Variants in KDM4C observed in about 807,000 individuals in gnomAD.
KDM4C encodes the protein lysine demethylase 4C.
KDM4C carries 81 observed loss-of-function variants against 129.3 expected under a neutral mutation model. That is an observed-to-expected ratio of 0.63 (90% CI 0.52 to 0.75). KDM4C has a LOEUF of 0.75. Ranked by LOEUF, KDM4C falls within the 30% of genes least tolerant of loss-of-function variation. KDM4C has a pLI of 0.00. For missense variants in KDM4C, 1,457 were observed against 1,304.0 expected, an observed-to-expected ratio of 1.12 and a Z score of -1.81; for synonymous variants, 573 against 456.1, an observed-to-expected ratio of 1.26 and a Z score of -3.26.
At chr9:6,922,996 A>G (rs992216137) in intron 8 of KDM4C, among the ~76,000 whole-genome samples, 2 of 152,210 alleles carry the variant, frequency 1.3e-5, no homozygotes, top group Non-Finnish European at 2.9e-5. Context: ...TGATGTCTCA[A>G]TAAATCCTCT....
chr9:7,025,525 T>G (rs1232725771), intron 15 of KDM4C, among the ~76,000 whole-genome samples: 1 of 152,246 alleles, frequency 6.6e-6, no homozygotes, highest in Non-Finnish European at 1.5e-5. Context: ...ATATGTTATA[T>G]GGTTTTTGAT....
At chr9:6,879,364 T>C (rs1041694118) in intron 5 of KDM4C, among the ~76,000 whole-genome samples, 6 of 152,214 alleles carry the variant, frequency 3.9e-5, no homozygotes, top group Non-Finnish European at 5.9e-5. Context: ...TGAGTATTTC[T>C]GTTCTTTAAG....
Position 7,150,926 on chromosome 9 carries a change from A to G in KDM4C, c.2782-14312A>G, listed in dbSNP as rs950620194. ...GCTTAATGCTATAATAACTTCCAGA[A>G]TAATAAAACAACCTCCGTCTCTGGG... On this transcript the variant is annotated intron_variant, in intron 19 of 21. Coordinates refer to ENST00000381309, the MANE Select transcript of KDM4C (RefSeq NM_015061.6). 1.3e-5 allele frequency among the ~76,000 whole-genome samples: 2 copies of G among 152,214 alleles called. 1 individual carries two copies. The highest frequency in any genetic ancestry group is 4.1e-4 in the South Asian group (2 of 4,828).
intron 4 of KDM4C, among the ~76,000 whole-genome samples, chr9:6,826,096 G>GC (rs754756914): frequency 3.9e-5 from 6 of 152,016 alleles, no homozygotes; most frequent in Non-Finnish European, 8.8e-5. Flanking sequence ...ACTGGCATGA[G>GC]CTACTGTGCC....
At chr9:6,902,437 C>G (rs1817569710) in intron 8 of KDM4C, among the ~76,000 whole-genome samples, 1 of 152,102 alleles carries the variant, frequency 6.6e-6, no homozygotes, top group South Asian at 2.1e-4. Flanking sequence ...ACATAATCAC[C>G]TGGGACTGTG....
chr9:7,174,979 A>C lies in KDM4C; in HGVS notation c.*250A>C. On this transcript the variant is annotated 3_prime_UTR_variant, in exon 22 of 22. Coordinates refer to ENST00000381309, the MANE Select transcript of KDM4C (RefSeq NM_015061.6). ...GCAGTTGTCTTCTATGATCCCAAAG[A>C]AGTTTTCTAAGTGAAAGGAAATACT... 2.8e-6 allele frequency: 1 copy of C among 356,202 alleles called. No individual in the cohort carries two copies. The highest frequency in any genetic ancestry group is 5.2e-6 in the Non-Finnish European group (1 of 192,510). 22.1% of individuals were successfully genotyped at this position (356,202 alleles called of 1,614,324 possible).
rs552283834 is a variant in KDM4C, at chr9:6,893,287, A to C, written c.921+55A>C. On this transcript the variant is annotated intron_variant, in intron 8 of 21. Coordinates refer to ENST00000381309, the MANE Select transcript of KDM4C (RefSeq NM_015061.6). ...ATTAAATGTGTATTCTGGTTATTTT[A>C]GTAGGAACCCTACGATCCTGTGCAG... 4 of 1,450,170 alleles carry C rather than the reference A, an allele frequency of 2.8e-6. No individual in the cohort carries two copies. The African/African-American group carries it at 5.7e-5, about 21-fold the overall frequency. The allele number at this position is 1,450,170 out of a possible 1,614,324, so 89.8% of individuals were successfully genotyped here.
chr9:6,774,757 A>T (rs966119077), intron 1 of KDM4C, among the ~76,000 whole-genome samples: 3 of 152,174 alleles, frequency 2.0e-5, no homozygotes, highest in Non-Finnish European at 4.4e-5. Context: ...GTTTTATATG[A>T]TACTTGGGGC....
At chr9:7,147,430 ATGTATTTT>A (rs997010553) in intron 19 of KDM4C, among the ~76,000 whole-genome samples, 21 of 152,148 alleles carry the variant, frequency 1.4e-4, no homozygotes, top group African/African-American at 5.1e-4. Context: ...TGGAACTGAC[ATGTATTTT>A]TAGAAACCAC....
intron 1 of KDM4C, among the ~76,000 whole-genome samples, chr9:6,746,031 C>G (rs1042295088): frequency 6.6e-6 from 1 of 152,018 alleles, no homozygotes; most frequent in African/African-American, 2.4e-5. Context: ...GTCTTGAACC[C>G]CCAACCTCAG....
At chr9:6,936,788 A>G (rs894336141) in intron 8 of KDM4C, among the ~76,000 whole-genome samples, 3 of 152,190 alleles carry the variant, frequency 2.0e-5, no homozygotes, top group Non-Finnish European at 4.4e-5. Flanking sequence ...GCTTCCTAAT[A>G]ACTATGTGCC....
rs10975981 is a variant in KDM4C, at chr9:7,021,111, C to A, written c.2259+5182C>A. Among the ~76,000 whole-genome samples the A allele has an allele frequency of 2.7e-3, 371 of 138,812 alleles. 8 individuals carry two copies. The East Asian group carries it at 0.032, about 12-fold the overall frequency. The allele number at this position is 138,812 out of a possible 152,430, so 91.1% of individuals were successfully genotyped here. Reference sequence around the variant, plus strand: ...TACACCTGTTTGTCATTTGTACATACATATATATATGTGTGTGTGTGTGTG... The same window carrying A: ...TACACCTGTTTGTCATTTGTACATAAATATATATATGTGTGTGTGTGTGTG... On this transcript the variant is annotated intron_variant, in intron 15 of 21. Transcript: ENST00000381309.
At chr9:6,870,884 G>A (rs1309247982) in intron 5 of KDM4C, among the ~76,000 whole-genome samples, 3 of 152,108 alleles carry the variant, frequency 2.0e-5, no homozygotes, top group Admixed American at 1.3e-4. Flanking sequence ...TGAGCATGAC[G>A]TGGGCCTGGA....
chr9:7,172,503 G>C (rs1388099783), intron 21 of KDM4C, among the ~76,000 whole-genome samples: 1 of 152,192 alleles, frequency 6.6e-6, no homozygotes, highest in East Asian at 1.9e-4. Context: ...TTACACAAGT[G>C]AAAGATTACT....
intron 19 of KDM4C, among the ~76,000 whole-genome samples, chr9:7,150,075 G>C (rs189744293): frequency 6.6e-6 from 1 of 152,316 alleles, no homozygotes; most frequent in East Asian, 1.9e-4. Flanking sequence ...TCTGTCTCCT[G>C]TTTGGCTACA....
rs142609948 is a variant in KDM4C at position 7,083,711 on chromosome 9, ATGTGTGTGTG to A, written c.2425-19946_2425-19937del. Among the ~76,000 whole-genome samples, 1,112 of 143,316 alleles carry A rather than the reference ATGTGTGTGTG, an allele frequency of 7.8e-3. 10 individuals are homozygous for A. Among genetic ancestry groups the A allele is most frequent in the African/African-American group, 0.027 (1,045 of 38,026 alleles). The allele number at this position is 143,316 out of a possible 152,430, so 94.0% of individuals were successfully genotyped here. A position where few individuals can be genotyped will look rare whatever the true frequency, so the allele number is the denominator to read the frequency against. ...AAACGTCCCATGTAGCACATGACTG[ATGTGTGTGTG>A]TGTGTGTGTGTGTGTGTGTGTGTGT... On this transcript the variant is annotated intron_variant, in intron 17 of 21. Transcript: ENST00000381309.
At chr9:6,866,612 C>T (rs1337431650) in intron 5 of KDM4C, among the ~76,000 whole-genome samples, 1 of 152,076 alleles carries the variant, frequency 6.6e-6, no homozygotes, top group African/African-American at 2.4e-5. Flanking sequence ...CAGGTACTCC[C>T]AGTGCTTCCT....
At chr9:6,960,682 A>G (rs898025798) in intron 8 of KDM4C, among the ~76,000 whole-genome samples, 1 of 152,216 alleles carries the variant, frequency 6.6e-6, no homozygotes, top group Admixed American at 6.5e-5. Context: ...TTTCATGTAC[A>G]TGTGTATCCA....
rs554824697 is a variant in KDM4C, at chr9:7,170,151, A to G, written c.2994+261A>G. On this transcript the variant is annotated intron_variant, in intron 21 of 21. Transcript: ENST00000381309. ...GTGTTGACATTTATTGGTGCACAAAAATACTTACTGAATGTGTGCTCTGTG... is the reference window on the plus strand; with the variant it reads ...GTGTTGACATTTATTGGTGCACAAAGATACTTACTGAATGTGTGCTCTGTG... 2.5e-5 allele frequency: 33 copies of G among 1,345,054 alleles called. No homozygotes were observed. In the Admixed American group the frequency reaches 6.4e-4, roughly 26 times the overall value. The allele number at this position is 1,345,054 out of a possible 1,614,324, so 83.3% of individuals were successfully genotyped here.
Sources: allele counts gnomAD v4.1 joint callset (sites outside exome capture counted in the v4.1 genomes callset), GRCh38; gene constraint gnomAD v4.1.1; transcripts MANE v1.5; gene names NCBI Gene and HGNC (gene_info 2026-07-23, HGNC 2026-07-21).